Variants in SLC16A7 observed in about 807,000 individuals in gnomAD.
SLC16A7 encodes the protein monocarboxylate transporter 2.
Under a neutral mutation model 34.9 loss-of-function variants are expected in SLC16A7, and 33 were observed. That is an observed-to-expected ratio of 0.94 (90% CI 0.72 to 1.26). SLC16A7 has a LOEUF of 1.26. Ranked by LOEUF, SLC16A7 falls within the 50% of genes most tolerant of loss-of-function variation. SLC16A7 has a pLI of 0.00. For missense variants in SLC16A7, 573 were observed against 578.1 expected, an observed-to-expected ratio of 0.99 and a Z score of 0.09; for synonymous variants, 201 against 206.6, an observed-to-expected ratio of 0.97 and a Z score of 0.23.
At chr12:59,661,691 G>A (rs185798449) in intron 2 of SLC16A7, among the ~76,000 whole-genome samples, 210 of 152,154 alleles carry the variant, frequency 1.4e-3, no homozygotes, top group Non-Finnish European at 5.3e-4. Flanking sequence ...CAAGAAGGGG[G>A]AATCCATTAA....
intron 1 of SLC16A7, among the ~76,000 whole-genome samples, chr12:59,652,748 C>G (rs771016901): frequency 6.6e-6 from 1 of 151,384 alleles, no homozygotes; most frequent in Non-Finnish European, 1.5e-5. Context: ...GTTTATGAAC[C>G]TTTCTAGAAA....
intron 3 of SLC16A7, among the ~76,000 whole-genome samples, chr12:59,721,891 A>G (rs1292209042): frequency 2.6e-5 from 4 of 151,970 alleles, no homozygotes; most frequent in Non-Finnish European, 5.9e-5. Flanking sequence ...CATTAGCCAC[A>G]TCTTTTCAGT....
intron 3 of SLC16A7, chr12:59,761,014 T>G: frequency 2.6e-6 from 1 of 380,992 alleles, no homozygotes; most frequent in Non-Finnish European, 4.9e-6. Flanking sequence ...TTAAACCACG[T>G]GTATTTTTTA....
chr12:59,705,861 T>C, intron 3 of SLC16A7, among the ~76,000 whole-genome samples: 1 of 152,130 alleles, frequency 6.6e-6, no homozygotes, highest in East Asian at 1.9e-4. Context: ...ATTATATCAA[T>C]TATCTTCTGT....
intron 2 of SLC16A7, among the ~76,000 whole-genome samples, chr12:59,689,628 A>T (rs1226357133): frequency 6.6e-6 from 1 of 151,958 alleles, no homozygotes; most frequent in Non-Finnish European, 1.5e-5. Flanking sequence ...TGGGCATTTT[A>T]ATATAAAAGT....
At position 59,596,474 on chromosome 12, in the gene SLC16A7, C is replaced by T. The variant is rs1878401677; in HGVS notation, c.-130+238C>T. Among the ~76,000 whole-genome samples, 1 of 142,124 alleles carries T rather than the reference C, an allele frequency of 7.0e-6. No individual in the cohort carries two copies. Among genetic ancestry groups the T allele is most frequent in the African/African-American group, 2.7e-5 (1 of 37,122 alleles). The allele number at this position is 142,124 out of a possible 152,430, so 93.2% of individuals were successfully genotyped here. A position where few individuals can be genotyped will look rare whatever the true frequency, so the allele number is the denominator to read the frequency against. ...GCTCGCGTCAGCCAGTGCGCGCCGA[C>T]AGCTGCCCGGGAACTGAGGGGGCGC... On this transcript the variant is annotated intron_variant, in intron 1 of 5. Coordinates refer to ENST00000547379, the MANE Select transcript of SLC16A7 (RefSeq NM_001270623.2). This position sits in a 1 kb window ranked among gnomAD's most constrained non-coding sequence, Gnocchi z 5.0.
chr12:59,784,987 A>G lies in SLC16A7; in HGVS notation c.*5308A>G, dbSNP rs1883509770. 6.6e-6 allele frequency: 1 copy of G among 152,180 alleles called. No individual in the cohort carries two copies. Among genetic ancestry groups the G allele is most frequent in the African/African-American group, 2.4e-5 (1 of 41,464 alleles). The allele number at this position is 152,180 out of a possible 1,614,324, so 9.4% of individuals were successfully genotyped here. A position where few individuals can be genotyped will look rare whatever the true frequency, so the allele number is the denominator to read the frequency against. On this transcript the variant is annotated 3_prime_UTR_variant, in exon 6 of 6. Transcript: ENST00000547379. Reference sequence around the variant, plus strand: ...TCTAACCACAACCATTCAGAGCACTAATTAGCATCTATATTGAGAATATAA... The same window carrying G: ...TCTAACCACAACCATTCAGAGCACTGATTAGCATCTATATTGAGAATATAA...
At chr12:59,638,179 G>A (rs974752803) in intron 1 of SLC16A7, among the ~76,000 whole-genome samples, 1 of 152,116 alleles carries the variant, frequency 6.6e-6, no homozygotes, top group South Asian at 2.1e-4. Flanking sequence ...ATAGGCTGAA[G>A]GAGGAAAACC....
intron 1 of SLC16A7, among the ~76,000 whole-genome samples, chr12:59,611,188 TTATAA>T (rs1469958195): frequency 6.6e-6 from 1 of 152,170 alleles, no homozygotes; most frequent in Non-Finnish European, 1.5e-5. Context: ...ACTGGGTAAT[TTATAA>T]AGGAAAGATG....
chr12:59,608,088 A>G (rs574271689), intron 1 of SLC16A7, among the ~76,000 whole-genome samples: 1 of 152,280 alleles, frequency 6.6e-6, no homozygotes, highest in South Asian at 2.1e-4. Context: ...TGGTTCTGCA[A>G]ATTTTTATTG....
At position 59,621,652 on chromosome 12, in the gene SLC16A7, T is replaced by G. The variant is rs1879701028; in HGVS notation, c.-130+25416T>G. 2.0e-5 allele frequency among the ~76,000 whole-genome samples: 3 copies of G among 151,998 alleles called. No homozygotes were observed. The South Asian group carries it at 6.2e-4, about 31-fold the overall frequency. On this transcript the variant is annotated intron_variant, in intron 1 of 5. Transcript: ENST00000547379. The stretch of plus-strand genomic sequence containing the variant: ...TATGAACATAGTTTTGTTTTGAATT[T>G]TAAGGCATACAAACATTATTTTTTA...
At chr12:59,616,831 A>G (rs1339133676) in intron 1 of SLC16A7, among the ~76,000 whole-genome samples, 2 of 152,208 alleles carry the variant, frequency 1.3e-5, no homozygotes, top group East Asian at 1.9e-4. Flanking sequence ...TTCATTATTT[A>G]AAAGGTTACT....
intron 3 of SLC16A7, among the ~76,000 whole-genome samples, chr12:59,723,322 T>C (rs753002962): frequency 4.6e-5 from 7 of 152,032 alleles, no homozygotes; most frequent in Non-Finnish European, 1.0e-4. Context: ...CATATTTTTC[T>C]CTTTCATTTA....
intron 1 of SLC16A7, among the ~76,000 whole-genome samples, chr12:59,600,830 T>C (rs2136954536): frequency 6.6e-6 from 1 of 152,272 alleles, no homozygotes; most frequent in East Asian, 1.9e-4. Context: ...ATGAAGCAAG[T>C]ATTTTTGGAA....
intron 2 of SLC16A7, among the ~76,000 whole-genome samples, chr12:59,674,086 G>T (rs1870107912): frequency 6.6e-6 from 1 of 152,006 alleles, no homozygotes; most frequent in Non-Finnish European, 1.5e-5. Flanking sequence ...CCTTACATCT[G>T]ATTTATCCAT....
At position 59,774,516 on chromosome 12, in the gene SLC16A7, T is replaced by C. The variant is rs1305373135; in HGVS notation, c.362-141T>C. The C allele has an allele frequency of 7.8e-6, 4 of 513,474 alleles. No individual in the cohort carries two copies. In the East Asian group the frequency reaches 9.3e-5, roughly 12 times the overall value. 31.8% of individuals were successfully genotyped at this position (513,474 alleles called of 1,614,324 possible). ...CCTTATTGTTTTGTGCAATTACATT[T>C]ATAATAATCAAAATGTACTATATGA... On this transcript the variant is annotated intron_variant, in intron 4 of 5. Transcript: ENST00000547379.
intron 2 of SLC16A7, among the ~76,000 whole-genome samples, chr12:59,703,166 C>G (rs1873094993): frequency 6.6e-6 from 1 of 152,026 alleles, no homozygotes; most frequent in Admixed American, 6.6e-5. Flanking sequence ...AATTTGAACT[C>G]TTGAAACTAT....
At chr12:59,771,147 G>C (rs1882180684) in intron 3 of SLC16A7, 72 bp from the exon 4 acceptor site, 3 of 1,444,014 alleles carry the variant, frequency 2.1e-6, no homozygotes, top group Middle Eastern at 3.6e-4. Flanking sequence ...CTTTCCAAAT[G>C]ATTGGATGTT....
Position 59,745,655 on chromosome 12 carries a change from C to T in SLC16A7, c.218-25564C>T, listed in dbSNP as rs544637174. 3.3e-5 allele frequency among the ~76,000 whole-genome samples: 5 copies of T among 152,118 alleles called. No homozygotes were observed. The East Asian group carries it at 7.7e-4, about 24-fold the overall frequency. On this transcript the variant is annotated intron_variant, in intron 3 of 5. Transcript: ENST00000547379. ...ATAGAACTGTGGCAATTATGATACA[C>T]GCACACATAAAAAAGCAGATATTCT...
Sources: allele counts gnomAD v4.1 joint callset (sites outside exome capture counted in the v4.1 genomes callset), GRCh38; gene constraint gnomAD v4.1.1; non-coding constraint Gnocchi (gnomAD v3.1); transcripts MANE v1.5; gene names NCBI Gene and HGNC (gene_info 2026-07-23, HGNC 2026-07-21).